The following HECW1 variants were observed in gnomAD, a reference collection of about 807,000 sequenced individuals.
HECW1 encodes the protein HECT, C2 and WW domain containing E3 ubiquitin protein ligase 1.
In HECW1, 61 loss-of-function variants were observed where a neutral mutation model predicts 182.3. The ratio of observed to expected loss-of-function variants is 0.33; its 90% CI spans 0.27 to 0.41. HECW1 has a LOEUF of 0.41. Ranked by LOEUF, HECW1 falls within the 10% of genes least tolerant of loss-of-function variation. The probability of loss-of-function intolerance (pLI) is 1.00; values close to 1 mark genes in which losing one functional copy is unlikely to be tolerated. For synonymous variants in HECW1, 859 were observed against 832.6 expected (o/e 1.03, Z -0.55); for missense variants, 1,739 against 2,108.9 (o/e 0.82, Z 3.44).
At chr7:43,128,217 T>C (rs1786498755) in intron 2 of HECW1, among the ~76,000 whole-genome samples, 1 of 152,160 alleles carries the variant, frequency 6.6e-6, no homozygotes, top group Non-Finnish European at 1.5e-5. Flanking sequence ...CAACCTTCTA[T>C]TGGAAAAAGT....
chr7:43,479,497 C>T, intron 16 of HECW1, 113 bp from the exon 17 acceptor site: 1 of 1,251,262 alleles, frequency 8.0e-7, no homozygotes, highest in South Asian at 1.4e-5. Context: ...GTAGGGGAGG[C>T]TGGGCAGAAA....
chr7:43,468,525 CTT>C (rs141068199), intron 15 of HECW1, among the ~76,000 whole-genome samples: 11 of 145,760 alleles, frequency 7.5e-5, no homozygotes, highest in African/African-American at 5.0e-5. Context: ...TGCACATTCA[CTT>C]TTTTTTTTTT....
At chr7:43,378,263 A>G (rs2074404400) in intron 6 of HECW1, among the ~76,000 whole-genome samples, 1 of 152,222 alleles carries the variant, frequency 6.6e-6, no homozygotes, top group African/African-American at 2.4e-5. Context: ...TTTATTAAGG[A>G]CTTAGCAAAT....
intron 2 of HECW1, among the ~76,000 whole-genome samples, chr7:43,159,206 T>C (rs996898651): frequency 6.6e-6 from 1 of 152,040 alleles, no homozygotes; most frequent in African/African-American, 2.4e-5. Flanking sequence ...TATTATACTT[T>C]AAGTTCTAGG....
intron 5 of HECW1, among the ~76,000 whole-genome samples, chr7:43,321,530 T>C (rs1810113214): frequency 6.6e-6 from 1 of 152,122 alleles, no homozygotes; most frequent in African/African-American, 2.4e-5. Context: ...TTACCTTCAG[T>C]CCACAGCTCC....
intron 17 of HECW1, among the ~76,000 whole-genome samples, chr7:43,489,609 A>G (rs1245396163): frequency 2.0e-5 from 3 of 152,224 alleles, no homozygotes; most frequent in Admixed American, 1.3e-4. Context: ...CTTGTCCTTC[A>G]AGTAGGCCAT....
At chr7:43,260,017 T>C (rs9639872) in intron 3 of HECW1, among the ~76,000 whole-genome samples, 63,993 of 152,030 alleles carry the variant, frequency 0.42, 15,087 homozygotes, top group African/African-American at 0.64. Context: ...AGGCACATCA[T>C]AGTCAAACTT....
intron 2 of HECW1, chr7:43,151,026 A>G (rs1789263006): frequency 6.5e-6 from 1 of 154,950 alleles, no homozygotes; most frequent in Non-Finnish European, 1.5e-5. Context: ...CTTGCACAGC[A>G]AATACAAGAA....
intron 3 of HECW1, among the ~76,000 whole-genome samples, chr7:43,259,816 T>TCCA (rs1228098607): frequency 6.6e-6 from 1 of 152,168 alleles, no homozygotes; most frequent in East Asian, 1.9e-4. Flanking sequence ...CCATCATCAA[T>TCCA]CAGTGACCTA....
At chr7:43,525,060 CTT>C (rs2080702633) in intron 24 of HECW1, among the ~76,000 whole-genome samples, 1 of 152,116 alleles carries the variant, frequency 6.6e-6, no homozygotes, top group Middle Eastern at 3.2e-3. Context: ...ATTCAAAACT[CTT>C]TTTTATGAAT....
chr7:43,487,699 T>A lies in HECW1; in HGVS notation c.3235-4376T>A, dbSNP rs117078656. ...CAGGCCGCGGATGGTGGCTCACACC[T>A]GTAATCCCAGCACTTTGGGAGGCAG... On this transcript the variant is annotated intron_variant, in intron 17 of 29. Coordinates refer to ENST00000395891, the MANE Select transcript of HECW1 (RefSeq NM_015052.5). 2.8e-3 allele frequency among the ~76,000 whole-genome samples: 432 copies of A among 152,300 alleles called. 6 individuals are homozygous for A. In the East Asian group the frequency reaches 0.034, roughly 12 times the overall value.
chr7:43,196,634 A>G (rs1794485116), intron 2 of HECW1, among the ~76,000 whole-genome samples: 1 of 152,168 alleles, frequency 6.6e-6, no homozygotes, highest in African/African-American at 2.4e-5. Context: ...CTCTCTGCAC[A>G]CTTCTGACCT....
intron 2 of HECW1, among the ~76,000 whole-genome samples, chr7:43,178,155 C>T (rs541093201): frequency 3.3e-5 from 5 of 152,246 alleles, no homozygotes; most frequent in East Asian, 1.9e-4. Flanking sequence ...TACAGGTGCC[C>T]ACCACCATGC....
intron 5 of HECW1, among the ~76,000 whole-genome samples, chr7:43,335,515 A>G (rs1182133498): frequency 6.6e-6 from 1 of 152,238 alleles, no homozygotes. Flanking sequence ...GAGAGCCCTT[A>G]GCAGAAACCT....
intron 16 of HECW1, among the ~76,000 whole-genome samples, chr7:43,469,962 C>T (rs1016076117): frequency 1.3e-5 from 2 of 152,234 alleles, no homozygotes; most frequent in African/African-American, 2.4e-5. Context: ...ATGAGTCTCT[C>T]TCCTATAAAC....
At chr7:43,486,885 C>T (rs2152913965) in intron 17 of HECW1, among the ~76,000 whole-genome samples, 1 of 152,342 alleles carries the variant, frequency 6.6e-6, no homozygotes, top group African/African-American at 2.4e-5. Flanking sequence ...CCTAGTGCCT[C>T]GTAGACAGTT....
chr7:43,150,459 A>T (rs545103095), intron 2 of HECW1, among the ~76,000 whole-genome samples: 2 of 152,146 alleles, frequency 1.3e-5, no homozygotes, highest in Non-Finnish European at 2.9e-5. Context: ...GCTCGGTGCA[A>T]CCTCTGCTTC....
intron 7 of HECW1, among the ~76,000 whole-genome samples, chr7:43,407,191 C>T (rs1014323132): frequency 7.9e-5 from 12 of 152,172 alleles, no homozygotes; most frequent in Non-Finnish European, 1.6e-4. Flanking sequence ...TTGTTCTTTC[C>T]TCCATTGTCC....
rs751624069 is a variant in HECW1, at chr7:43,243,220, C to T, written c.-31-655C>T. ...AGAGGGCCCTGACAGATGATGCCGT[C>T]AGCAACTGTCCCATGCCTGGCATCT... is the stretch of plus-strand genomic sequence containing the variant. On this transcript the variant is annotated intron_variant, in intron 2 of 29. Transcript: ENST00000395891. This position sits in a 1 kb window ranked among gnomAD's most constrained non-coding sequence, Gnocchi z 4.0. 2.0e-5 allele frequency among the ~76,000 whole-genome samples: 3 copies of T among 152,140 alleles called. No homozygotes were observed. The highest frequency in any genetic ancestry group is 4.4e-5 in the Non-Finnish European group (3 of 68,030).
Sources: allele counts gnomAD v4.1 joint callset (sites outside exome capture counted in the v4.1 genomes callset), GRCh38; gene constraint gnomAD v4.1.1; non-coding constraint Gnocchi (gnomAD v3.1); transcripts MANE v1.5; gene names NCBI Gene and HGNC (gene_info 2026-07-23, HGNC 2026-07-21).